The following TOM1L2 variants were observed in gnomAD, a reference collection of about 807,000 sequenced individuals.
TOM1L2 encodes TOM1-like protein 2.
A neutral mutation model predicts 67.9 loss-of-function variants in TOM1L2; 31 were observed. The ratio of observed to expected loss-of-function variants is 0.46; its 90% CI spans 0.34 to 0.62. TOM1L2 has a LOEUF of 0.62. Among genes scored for constraint, TOM1L2 ranks in the 20% least tolerant of loss-of-function variants. The pLI is 0.01. For missense variants in TOM1L2, 606 were observed against 663.5 expected (o/e 0.91, Z 0.95); for synonymous variants, 256 against 254.0 (o/e 1.01, Z -0.07).
rs541940416 is a variant in TOM1L2 at position 17,912,522 on chromosome 17, C to T, written c.53-4991G>A. Reference sequence around the variant, plus strand: ...CCTCCCAGACGGGGTCACGGCCTGGCAGAGGCGCTCCTCACATCCCAGACG... The same window carrying T: ...CCTCCCAGACGGGGTCACGGCCTGGTAGAGGCGCTCCTCACATCCCAGACG... On this transcript the variant is annotated intron_variant, in intron 1 of 14. Coordinates refer to ENST00000379504, the MANE Select transcript of TOM1L2 (RefSeq NM_001082968.2). 2.4e-4 allele frequency among the ~76,000 whole-genome samples: 36 copies of T among 151,656 alleles called. No homozygotes were observed. In the South Asian group the frequency reaches 6.9e-3, roughly 29 times the overall value.
Position 17,902,438 on chromosome 17 carries a change from C to T in TOM1L2, c.138-3764G>A, listed in dbSNP as rs1325071085. ...GCAGGCAGCACTTCAGTGGCTGCGG[C>T]CAGGTGAGCCTGTGCTTGCATCCTG... On this transcript the variant is annotated intron_variant, in intron 2 of 14. Transcript: ENST00000379504. Among the ~76,000 whole-genome samples the T allele has an allele frequency of 2.0e-5, 3 of 152,360 alleles. No homozygotes were observed. In the East Asian group the frequency reaches 5.8e-4, roughly 29 times the overall value.
At position 17,866,868 on chromosome 17, in the gene TOM1L2, A is replaced by T; in HGVS notation, c.960+8T>A. On this transcript the variant is annotated splice_region_variant and intron_variant, in intron 9 of 14. Transcript: ENST00000379504. ...CAGGAGATGACAGGATTCTGAAGGA[A>T]TACTTACTCCATTACTGGCATTTTG... The T allele has an allele frequency of 6.2e-7, 1 of 1,613,844 alleles. No individual in the cohort carries two copies. The highest frequency in any genetic ancestry group is 1.3e-5 in the African/African-American group (1 of 75,046).
Position 17,845,355 on chromosome 17 carries a change from C to CGCTGGA in TOM1L2, c.*2274_*2279dup, listed in dbSNP as rs1009280888. ...ATGCCTGGCAACCAGCTGGCGCTGG[C>CGCTGGA]GCTGGAGCTGGAGCGGGGCAGTTCT... On this transcript the variant is annotated 3_prime_UTR_variant, in exon 15 of 15. Coordinates refer to ENST00000379504, the MANE Select transcript of TOM1L2 (RefSeq NM_001082968.2). The CGCTGGA allele has an allele frequency of 6.6e-6, 1 of 152,288 alleles. No homozygotes were observed. The highest frequency in any genetic ancestry group is 1.5e-5 in the Non-Finnish European group (1 of 68,080). 9.4% of individuals were successfully genotyped at this position (152,288 alleles called of 1,614,324 possible).
intron 2 of TOM1L2, among the ~76,000 whole-genome samples, chr17:17,906,008 T>C (rs1301231120): frequency 6.6e-6 from 1 of 152,134 alleles, no homozygotes; most frequent in Non-Finnish European, 1.5e-5. Flanking sequence ...GGGTTTGCTG[T>C]TCCATGAGCC....
At chr17:17,860,998 G>A (rs751345435) in intron 12 of TOM1L2, among the ~76,000 whole-genome samples, 3 of 152,176 alleles carry the variant, frequency 2.0e-5, no homozygotes, top group Non-Finnish European at 4.4e-5. Flanking sequence ...AGTGACAAAT[G>A]GCCATCAGAG....
rs1021741485 is a variant in TOM1L2, at chr17:17,889,332, A to G, written c.366+4329T>C. On this transcript the variant is annotated intron_variant, in intron 4 of 14. Coordinates refer to ENST00000379504, the MANE Select transcript of TOM1L2 (RefSeq NM_001082968.2). ...AAAGGTGCCACTGGGTAGGCTGACC[A>G]TGCCTGCGAATGGCACTCTGAAAGG... Among the ~76,000 whole-genome samples the G allele has an allele frequency of 1.7e-4, 26 of 152,332 alleles. 1 individual carries two copies. Among genetic ancestry groups the G allele is most frequent in the Middle Eastern group, 3.4e-3 (1 of 294 alleles).
chr17:17,883,255 C>T (rs573325798), intron 5 of TOM1L2, among the ~76,000 whole-genome samples: 171 of 152,310 alleles, frequency 1.1e-3, no homozygotes, highest in African/African-American at 4.0e-3. Context: ...ATAAGAATTA[C>T]TTTTTTGGTC....
At chr17:17,886,873 C>G (rs147873590) in intron 4 of TOM1L2, among the ~76,000 whole-genome samples, 1 of 152,356 alleles carries the variant, frequency 6.6e-6, no homozygotes, top group African/African-American at 2.4e-5. Context: ...TTGGGCCAAT[C>G]AGATGCTCCT....
At chr17:17,970,302 G>A (rs892833894) in intron 1 of TOM1L2, among the ~76,000 whole-genome samples, 2 of 151,758 alleles carry the variant, frequency 1.3e-5, no homozygotes, top group Non-Finnish European at 2.9e-5. Context: ...CTGACCTTGT[G>A]ATCCGCCCGC....
At chr17:17,855,976 CAA>C (rs905217435) in intron 12 of TOM1L2, among the ~76,000 whole-genome samples, 127 of 145,126 alleles carry the variant, frequency 8.8e-4, no homozygotes, top group African/African-American at 2.3e-3. Flanking sequence ...AAAAAAAAAA[CAA>C]ACTGCAGTCA....
intron 1 of TOM1L2, among the ~76,000 whole-genome samples, chr17:17,946,402 TC>T (rs1374438370): frequency 2.0e-5 from 3 of 152,200 alleles, no homozygotes; most frequent in Non-Finnish European, 4.4e-5. Context: ...CAACCACTAA[TC>T]TGCCTTTTCT....
chr17:17,942,868 A>G (rs1368313326), intron 1 of TOM1L2, among the ~76,000 whole-genome samples: 1 of 152,212 alleles, frequency 6.6e-6, no homozygotes, highest in East Asian at 1.9e-4. Context: ...ATTCCATTTT[A>G]CAGATGAGAA....
intron 7 of TOM1L2, among the ~76,000 whole-genome samples, chr17:17,873,682 G>A (rs1273769095): frequency 6.6e-6 from 1 of 152,234 alleles, no homozygotes; most frequent in Non-Finnish European, 1.5e-5. Context: ...GGGTGCTGGG[G>A]ACGAAGCTGC....
intron 1 of TOM1L2, among the ~76,000 whole-genome samples, chr17:17,938,397 G>A (rs149260887): frequency 6.6e-6 from 1 of 152,270 alleles, no homozygotes; most frequent in African/African-American, 2.4e-5. Context: ...TTTCACTGCA[G>A]TGGCCTGAAG....
chr17:17,847,451 G>A lies in TOM1L2; in HGVS notation c.*184C>T. The A allele has an allele frequency of 1.4e-6, 1 of 734,018 alleles. No individual in the cohort carries two copies. The highest frequency in any genetic ancestry group is 3.1e-5 in the Admixed American group (1 of 32,454). 45.5% of individuals were successfully genotyped at this position (734,018 alleles called of 1,614,324 possible). ...CTGGCTGCAGTTGTCCCACCACTCA[G>A]AGAAAAGAAGTGGCTGAAGCTGGTC... is the stretch of plus-strand genomic sequence containing the variant. On this transcript the variant is annotated 3_prime_UTR_variant, in exon 15 of 15. Coordinates refer to ENST00000379504, the MANE Select transcript of TOM1L2 (RefSeq NM_001082968.2).
At chr17:17,939,137 C>G (rs556409695) in intron 1 of TOM1L2, among the ~76,000 whole-genome samples, 1 of 152,338 alleles carries the variant, frequency 6.6e-6, no homozygotes, top group South Asian at 2.1e-4. Flanking sequence ...TATCTTCCAT[C>G]TGAATTAAAC....
At chr17:17,860,800 G>A (rs936988605) in intron 12 of TOM1L2, among the ~76,000 whole-genome samples, 3 of 152,194 alleles carry the variant, frequency 2.0e-5, no homozygotes, top group African/African-American at 2.4e-5. Context: ...TCAGTAATCC[G>A]AAATTGTACA....
At chr17:17,878,351 A>G (rs778083115) in intron 7 of TOM1L2, among the ~76,000 whole-genome samples, 2 of 152,244 alleles carry the variant, frequency 1.3e-5, no homozygotes, top group African/African-American at 2.4e-5. Flanking sequence ...CTTCAAGAGC[A>G]GGCTGGTGTA....
intron 7 of TOM1L2, among the ~76,000 whole-genome samples, chr17:17,871,277 A>T (rs977711781): frequency 6.6e-6 from 1 of 152,180 alleles, no homozygotes; most frequent in Non-Finnish European, 1.5e-5. Context: ...AGACTGAGGC[A>T]GGAGAATGGC....
Sources: gnomAD v4.1 joint callset for allele counts (sites outside exome capture counted in the v4.1 genomes callset) on GRCh38, gnomAD v4.1.1 for gene constraint, MANE v1.5 for transcripts, NCBI Gene and HGNC (gene_info 2026-07-23, HGNC 2026-07-21) for gene names.